Variants in PHACTR1 observed in about 807,000 individuals in gnomAD.
PHACTR1 encodes the protein RPEL repeat containing 1.
PHACTR1 carries 16 observed loss-of-function variants against 69.2 expected under a neutral mutation model. That is an observed-to-expected ratio of 0.23 (90% CI 0.16 to 0.35). The LOEUF (loss-of-function observed/expected upper bound fraction) is 0.35. Ranked by LOEUF, PHACTR1 falls within the 10% of genes least tolerant of loss-of-function variation. PHACTR1 has a pLI of 1.00. For missense variants in PHACTR1, 510 were observed against 734.7 expected (o/e 0.69, Z 3.54); for synonymous variants, 312 against 284.5 (o/e 1.10, Z -0.97).
intron 6 of PHACTR1, among the ~76,000 whole-genome samples, chr6:13,174,756 A>G (rs1158579282): frequency 6.6e-6 from 1 of 152,048 alleles, no homozygotes; most frequent in African/African-American, 2.4e-5. Flanking sequence ...CTCTTACCAT[A>G]TAGTACTAGC....
intron 4 of PHACTR1, among the ~76,000 whole-genome samples, chr6:12,757,754 A>G (rs376376582): frequency 1.6e-4 from 24 of 152,280 alleles, no homozygotes; most frequent in African/African-American, 5.8e-4. Context: ...AGGATTGGTC[A>G]GGAGCTCAGA....
chr6:13,252,327 CAAAAA>C (rs373475742), intron 10 of PHACTR1, among the ~76,000 whole-genome samples: 5 of 82,634 alleles, frequency 6.1e-5, no homozygotes, highest in Admixed American at 2.2e-4. Flanking sequence ...GATCCTGTCT[CAAAAA>C]AAAAAAAAAA....
At chr6:12,908,872 G>T (rs7765360) in intron 4 of PHACTR1, among the ~76,000 whole-genome samples, 111 of 152,292 alleles carry the variant, frequency 7.3e-4, no homozygotes, top group African/African-American at 2.5e-3. Flanking sequence ...CATGAGAACC[G>T]CTTTCCTGCT....
intron 4 of PHACTR1, among the ~76,000 whole-genome samples, chr6:12,817,019 C>T (rs1775670259): frequency 6.6e-6 from 1 of 152,046 alleles, no homozygotes; most frequent in African/African-American, 2.4e-5. Context: ...GTGTGCCTGC[C>T]TCTGTGTGAA....
chr6:13,150,191 A>G (rs1201705096), intron 5 of PHACTR1, among the ~76,000 whole-genome samples: 1 of 152,096 alleles, frequency 6.6e-6, no homozygotes, highest in Non-Finnish European at 1.5e-5. Flanking sequence ...TACAGAAAAT[A>G]CAAGTTAGCC....
chr6:13,155,930 G>T (rs1392080611), intron 5 of PHACTR1, among the ~76,000 whole-genome samples: 2 of 151,774 alleles, frequency 1.3e-5, no homozygotes, highest in Non-Finnish European at 2.9e-5. Context: ...GAAGAAAGAA[G>T]CTCCTGAGAG....
intron 5 of PHACTR1, among the ~76,000 whole-genome samples, chr6:13,089,237 T>C (rs1189001935): frequency 6.6e-6 from 1 of 152,140 alleles, no homozygotes; most frequent in African/African-American, 2.4e-5. Context: ...TGGGGACACT[T>C]ACCAGTACAT....
At chr6:12,830,764 G>T (rs546338118) in intron 4 of PHACTR1, among the ~76,000 whole-genome samples, 1 of 151,394 alleles carries the variant, frequency 6.6e-6, no homozygotes, top group East Asian at 1.9e-4. Flanking sequence ...CATTTTTTTT[G>T]TATTTTTTTT....
chr6:13,152,513 A>G (rs1824468113), intron 5 of PHACTR1, among the ~76,000 whole-genome samples: 1 of 152,232 alleles, frequency 6.6e-6, no homozygotes, highest in South Asian at 2.1e-4. Context: ...TGACTAAACT[A>G]GAACTACTGT....
rs529840395 is a variant in PHACTR1 at position 12,901,775 on chromosome 6, G to C, written c.251-151590G>C. ...CCTCTCAAAGTGCTGAGATTACAGG[G>C]GTGAGCCACCGCACCTGGCCCAAGC... On this transcript the variant is annotated intron_variant, in intron 4 of 14. Transcript: ENST00000332995. Among the ~76,000 whole-genome samples, 17 of 152,196 alleles carry C rather than the reference G, an allele frequency of 1.1e-4. No homozygotes were observed. In the South Asian group the frequency reaches 1.9e-3, roughly 17 times the overall value.
chr6:13,040,167 C>T (rs77355670), intron 4 of PHACTR1, among the ~76,000 whole-genome samples: 1,573 of 152,190 alleles, frequency 0.01, 25 homozygotes, highest in African/African-American at 0.036. Context: ...CTATTTTTTG[C>T]CACATCAATA....
chr6:13,088,893 G>A lies in PHACTR1; in HGVS notation c.415+35364G>A, dbSNP rs372569539. 5.1e-4 allele frequency among the ~76,000 whole-genome samples: 78 copies of A among 152,266 alleles called. No individual in the cohort carries two copies. In the South Asian group the frequency reaches 0.011, roughly 22 times the overall value. On this transcript the variant is annotated intron_variant, in intron 5 of 14. Coordinates refer to ENST00000332995, the MANE Select transcript of PHACTR1 (RefSeq NM_030948.6). The stretch of plus-strand genomic sequence containing the variant: ...TACAGGCAATCTGCTGTTCAGCTTT[G>A]TATCTTTTGAGCCTAATAGACAGTC...
chr6:12,938,774 T>A (rs1789746538), intron 4 of PHACTR1, among the ~76,000 whole-genome samples: 1 of 152,166 alleles, frequency 6.6e-6, no homozygotes, highest in African/African-American at 2.4e-5. Flanking sequence ...TAGCCTACAT[T>A]TTCTACAATT....
At chr6:13,126,650 G>A (rs1365784201) in intron 5 of PHACTR1, among the ~76,000 whole-genome samples, 1 of 152,210 alleles carries the variant, frequency 6.6e-6, no homozygotes. Flanking sequence ...TCCACCATGT[G>A]TTAAGTGCAT....
intron 3 of PHACTR1, among the ~76,000 whole-genome samples, chr6:12,748,749 A>G (rs1230998172): frequency 6.6e-6 from 1 of 152,228 alleles, no homozygotes; most frequent in Non-Finnish European, 1.5e-5. Flanking sequence ...GTGACCAAAT[A>G]AAGAGGAATT....
At chr6:12,974,537 C>T (rs1794633933) in intron 4 of PHACTR1, among the ~76,000 whole-genome samples, 1 of 152,192 alleles carries the variant, frequency 6.6e-6, no homozygotes, top group African/African-American at 2.4e-5. Flanking sequence ...ACATTAACTG[C>T]TCATGTGACC....
intron 5 of PHACTR1, among the ~76,000 whole-genome samples, chr6:13,055,070 G>A (rs919345163): frequency 2.6e-5 from 4 of 152,164 alleles, no homozygotes; most frequent in Non-Finnish European, 5.9e-5. Flanking sequence ...GGGAAAGAAA[G>A]AGAATAACAT....
chr6:12,788,903 G>A (rs972663841), intron 4 of PHACTR1, among the ~76,000 whole-genome samples: 18 of 152,188 alleles, frequency 1.2e-4, no homozygotes, highest in Non-Finnish European at 4.4e-5. Flanking sequence ...AAGATGAGAG[G>A]AATAATGTGA....
chr6:12,853,356 T>C (rs1243438407), intron 4 of PHACTR1, among the ~76,000 whole-genome samples: 4 of 152,170 alleles, frequency 2.6e-5, no homozygotes, highest in African/African-American at 9.7e-5. Context: ...CAAAAGAAGC[T>C]GATCAGATTT....
Sources: gnomAD v4.1 joint callset for allele counts (sites outside exome capture counted in the v4.1 genomes callset) on GRCh38, gnomAD v4.1.1 for gene constraint, MANE v1.5 for transcripts, NCBI Gene and HGNC (gene_info 2026-07-23, HGNC 2026-07-21) for gene names.